MDGA2: variants seen among roughly 807,000 people sequenced by gnomAD.
MDGA2 encodes the protein MAM domain containing glycosylphosphatidylinositol anchor 2.
MDGA2 carries 40 observed loss-of-function variants against 117.8 expected under a neutral mutation model. The ratio of observed to expected loss-of-function variants is 0.34; its 90% CI spans 0.26 to 0.44. The LOEUF (loss-of-function observed/expected upper bound fraction) is 0.44, where lower values mean the gene tolerates loss of function less well. Ranked by LOEUF, MDGA2 falls within the 20% of genes least tolerant of loss-of-function variation. The pLI is 1.00. For missense variants in MDGA2, 1,123 were observed against 1,250.6 expected (o/e 0.90, Z 1.54); for synonymous variants, 452 against 439.0 (o/e 1.03, Z -0.37).
intron 1 of MDGA2, among the ~76,000 whole-genome samples, chr14:47,425,241 A>T (rs1333736367): frequency 6.6e-6 from 1 of 152,164 alleles, no homozygotes; most frequent in Non-Finnish European, 1.5e-5. Flanking sequence ...CACATTACAA[A>T]CTTCAGATTT....
chr14:47,184,117 T>C (rs1031286224), intron 3 of MDGA2, among the ~76,000 whole-genome samples: 16 of 152,162 alleles, frequency 1.1e-4, no homozygotes, highest in African/African-American at 3.4e-4. Flanking sequence ...TGTATATGTG[T>C]GTATGTATGA....
chr14:46,912,757 C>T (rs1883754456), intron 10 of MDGA2, among the ~76,000 whole-genome samples: 1 of 152,122 alleles, frequency 6.6e-6, no homozygotes, highest in African/African-American at 2.4e-5. Flanking sequence ...AGACAAGGTA[C>T]CCTTATTTTA....
intron 1 of MDGA2, among the ~76,000 whole-genome samples, chr14:47,565,902 G>A (rs1895909135): frequency 6.6e-6 from 1 of 152,190 alleles, no homozygotes; most frequent in Non-Finnish European, 1.5e-5. Flanking sequence ...ATGTCCTTGT[G>A]TTCATTCACT....
chr14:47,155,762 G>A (rs1883343281), intron 3 of MDGA2, among the ~76,000 whole-genome samples: 1 of 152,070 alleles, frequency 6.6e-6, no homozygotes, highest in African/African-American at 2.4e-5. Flanking sequence ...CAGTGAAACT[G>A]AGCAAAACTT....
chr14:47,365,835 A>G (rs750040997), intron 1 of MDGA2, among the ~76,000 whole-genome samples: 7 of 152,250 alleles, frequency 4.6e-5, no homozygotes, highest in Non-Finnish European at 8.8e-5. Flanking sequence ...TTATAGCTAT[A>G]GTATGGCAAC....
chr14:46,933,978 G>A (rs1006007736), intron 9 of MDGA2, among the ~76,000 whole-genome samples: 4 of 150,860 alleles, frequency 2.7e-5, no homozygotes, highest in African/African-American at 9.7e-5. Flanking sequence ...AAAAATATGA[G>A]TAATACATGT....
At chr14:47,406,382 T>C (rs1010615775) in intron 1 of MDGA2, among the ~76,000 whole-genome samples, 23 of 152,154 alleles carry the variant, frequency 1.5e-4, no homozygotes, top group Middle Eastern at 3.4e-3. Flanking sequence ...TACAAGTGAC[T>C]GACAATATGG....
intron 1 of MDGA2, among the ~76,000 whole-genome samples, chr14:47,559,612 G>A (rs143563762): frequency 0.014 from 2,021 of 146,250 alleles, 49 homozygotes; most frequent in African/African-American, 0.048. Context: ...TCACTCTGTC[G>A]CCCAGGCTGG....
In MDGA2 at chr14:47,622,022, G is replaced by GT. The variant is rs1897058816; in HGVS notation, c.280+52494dup. On this transcript the variant is annotated intron_variant, in intron 1 of 16. Coordinates refer to ENST00000399232, the MANE Select transcript of MDGA2 (RefSeq NM_001113498.3). The stretch of plus-strand genomic sequence containing the variant: ...TGATAAGCACTGTGCTTGTAACATA[G>GT]TAAGTATTAAATTCATATGAGCTAT... 2.0e-5 allele frequency among the ~76,000 whole-genome samples: 3 copies of GT among 152,154 alleles called. No individual in the cohort carries two copies. The South Asian group carries it at 6.2e-4, about 32-fold the overall frequency.
intron 1 of MDGA2, among the ~76,000 whole-genome samples, chr14:47,439,121 TA>T (rs957731748): frequency 1.3e-5 from 2 of 150,398 alleles, no homozygotes; most frequent in Non-Finnish European, 3.0e-5. Context: ...TGGTTAATAA[TA>T]AAAAAAAAGA....
At chr14:47,468,182 A>G (rs550545815) in intron 1 of MDGA2, among the ~76,000 whole-genome samples, 59 of 152,292 alleles carry the variant, frequency 3.9e-4, no homozygotes, top group Non-Finnish European at 7.6e-4. Context: ...TGACATAGAC[A>G]GTCTTAGGAT....
chr14:47,251,490 C>G (rs1887444697), intron 2 of MDGA2, among the ~76,000 whole-genome samples: 1 of 151,610 alleles, frequency 6.6e-6, no homozygotes, highest in Admixed American at 6.6e-5. Flanking sequence ...TAAAAAAACA[C>G]TTGACGTTGT....
chr14:47,352,300 C>T (rs1670080440), intron 1 of MDGA2, among the ~76,000 whole-genome samples: 1 of 152,170 alleles, frequency 6.6e-6, no homozygotes, highest in Admixed American at 6.5e-5. Flanking sequence ...CGTGCTCTCC[C>T]TGCTGATCGT....
chr14:47,091,233 A>G (rs1879637378), intron 6 of MDGA2, among the ~76,000 whole-genome samples: 1 of 152,208 alleles, frequency 6.6e-6, no homozygotes. Context: ...AACTTAAAAA[A>G]GAGATTCTCT....
chr14:47,318,368 C>T (rs949841987), intron 1 of MDGA2, among the ~76,000 whole-genome samples: 1 of 152,092 alleles, frequency 6.6e-6, no homozygotes, highest in African/African-American at 2.4e-5. Flanking sequence ...CCTTTGCATG[C>T]ATGTTGTTCT....
Position 47,218,110 on chromosome 14 carries a change from A to G in MDGA2, c.506T>C (p.Ile169Thr), listed in dbSNP as rs1271625508. Residue 169 changes from isoleucine to threonine, a missense_variant, in exon 3 of 17, where the codon ATT (isoleucine) becomes ACT (threonine). Coordinates refer to ENST00000399232, the MANE Select transcript of MDGA2 (RefSeq NM_001113498.3). ...VFNETLRITN[I>T]QRHQGGRYYC... ...ATACCGGCCTCCTTGGTGTCGCTGA[A>G]TATTTGTAATCCTCAAAGTCTCATT... 7.7e-6 allele frequency: 12 copies of G among 1,551,364 alleles called. No homozygotes were observed. The highest frequency in any genetic ancestry group is 3.9e-5 in the Admixed American group (2 of 50,970).
chr14:47,257,639 C>CA (rs1046564506), intron 2 of MDGA2, among the ~76,000 whole-genome samples: 3 of 152,100 alleles, frequency 2.0e-5, no homozygotes, highest in African/African-American at 7.2e-5. Context: ...TTATTGAACA[C>CA]AAAAACTATT....
chr14:47,271,220 A>G (rs919174928), intron 2 of MDGA2, among the ~76,000 whole-genome samples: 23 of 152,192 alleles, frequency 1.5e-4, no homozygotes, highest in Non-Finnish European at 1.5e-5. Context: ...TACTAGCAAC[A>G]GCTTCACCTT....
intron 9 of MDGA2, among the ~76,000 whole-genome samples, chr14:46,951,914 C>A (rs888637935): frequency 4.0e-5 from 6 of 151,854 alleles, no homozygotes; most frequent in African/African-American, 7.3e-5. Flanking sequence ...CAACACAGCA[C>A]CATCAATTTT....
Sources: allele counts gnomAD v4.1 joint callset (sites outside exome capture counted in the v4.1 genomes callset), GRCh38; gene constraint gnomAD v4.1.1; transcripts MANE v1.5; gene names NCBI Gene and HGNC (gene_info 2026-07-23, HGNC 2026-07-21).